BCKDHB: variants seen among roughly 807,000 people sequenced by gnomAD.
BCKDHB encodes 2-oxoisovalerate dehydrogenase subunit beta, mitochondrial.
A neutral mutation model predicts 48.5 loss-of-function variants in BCKDHB; 41 were observed. The ratio of observed to expected loss-of-function variants is 0.85; its 90% CI spans 0.66 to 1.10. BCKDHB has a LOEUF of 1.10. Ranked by LOEUF, BCKDHB falls within the 50% of genes least tolerant of loss-of-function variation. BCKDHB has a pLI of 0.00. For missense variants in BCKDHB, 496 were observed against 494.2 expected, an observed-to-expected ratio of 1.00 and a Z score of -0.03; for synonymous variants, 201 against 174.8, an observed-to-expected ratio of 1.15 and a Z score of -1.18.
At chr6:80,374,755 T>A in the BCKDHB span, among the ~76,000 whole-genome samples, 1 of 152,220 alleles carries the variant, frequency 6.6e-6, no homozygotes, top group Non-Finnish European at 1.5e-5. Flanking sequence ...CTGTGAGATG[T>A]ACGCTTTAAG....
the BCKDHB span, among the ~76,000 whole-genome samples, chr6:80,365,511 A>G: frequency 7.2e-5 from 11 of 152,276 alleles, no homozygotes; most frequent in African/African-American, 2.6e-4. Flanking sequence ...GTGTCCGTTT[A>G]TAGGCTCTCT....
chr6:80,111,191 A>G (rs1181078364), intron 1 of BCKDHB, among the ~76,000 whole-genome samples: 1 of 152,172 alleles, frequency 6.6e-6, no homozygotes, highest in Non-Finnish European at 1.5e-5. Flanking sequence ...AAGTTTTCCT[A>G]CATAAGTAGT....
chr6:80,162,987 A>C (rs1191242010), intron 3 of BCKDHB, among the ~76,000 whole-genome samples: 9 of 151,246 alleles, frequency 6.0e-5, no homozygotes, highest in Non-Finnish European at 1.3e-4. Context: ...CAGTGGTGCC[A>C]TCTCAGCTCA....
chr6:80,386,449 A>C, the BCKDHB span, among the ~76,000 whole-genome samples: 1 of 151,252 alleles, frequency 6.6e-6, no homozygotes, highest in Non-Finnish European at 1.5e-5. Flanking sequence ...TCCTTAGCCA[A>C]CCGATGCCTT....
At chr6:80,463,716 T>C in the BCKDHB span, among the ~76,000 whole-genome samples, 5,303 of 152,296 alleles carry the variant, frequency 0.035, 323 homozygotes, top group African/African-American at 0.12. Flanking sequence ...GAAAAACAGC[T>C]ACCACCCATA....
intron 2 of BCKDHB, 96 bp downstream of exon 2, chr6:80,127,720 G>T: frequency 1.8e-6 from 2 of 1,099,094 alleles, no homozygotes; most frequent in East Asian, 4.7e-5. Context: ...GGTTAACATT[G>T]TATCTACCTG....
intron 8 of BCKDHB, among the ~76,000 whole-genome samples, chr6:80,220,280 A>G (rs564846743): frequency 2.2e-5 from 2 of 88,920 alleles, no homozygotes; most frequent in East Asian, 9.0e-4. Flanking sequence ...CCTTGTACTC[A>G]GTTATTTTTG....
rs562396551 is a variant in BCKDHB at position 80,263,645 on chromosome 6, A to G, written c.952-9490A>G. 2.0e-5 allele frequency among the ~76,000 whole-genome samples: 3 copies of G among 152,290 alleles called. No homozygotes were observed. The East Asian group carries it at 5.8e-4, about 29-fold the overall frequency. On this transcript the variant is annotated intron_variant, in intron 8 of 9. Transcript: ENST00000320393. ...CAAGTTTTAGAAAATAGGACCATTT[A>G]TCCATGGTGATACAGAAGTGTAGCA... is the stretch of plus-strand genomic sequence containing the variant.
intron 8 of BCKDHB, among the ~76,000 whole-genome samples, chr6:80,235,104 G>C (rs1776094393): frequency 6.6e-6 from 1 of 152,018 alleles, no homozygotes; most frequent in South Asian, 2.1e-4. Flanking sequence ...AACACAGTAG[G>C]GTGACTCTAG....
At chr6:80,425,477 A>G in the BCKDHB span, among the ~76,000 whole-genome samples, 1 of 152,304 alleles carries the variant, frequency 6.6e-6, no homozygotes, top group African/African-American at 2.4e-5. Flanking sequence ...TTCAGAGTAA[A>G]CTATGTGTGG....
At chr6:80,293,978 A>T (rs536743285) in intron 9 of BCKDHB, among the ~76,000 whole-genome samples, 1 of 152,282 alleles carries the variant, frequency 6.6e-6, no homozygotes, top group East Asian at 1.9e-4. Flanking sequence ...CACTATCCGC[A>T]TTTTGGTCAA....
chr6:80,347,913 A>G (rs1332503858), downstream of BCKDHB, among the ~76,000 whole-genome samples: 1 of 152,208 alleles, frequency 6.6e-6, no homozygotes, highest in Admixed American at 6.5e-5. Context: ...CACTTGAGAG[A>G]TTTTAAATGA....
At chr6:80,301,402 C>T (rs1767572498) in intron 9 of BCKDHB, among the ~76,000 whole-genome samples, 2 of 152,096 alleles carry the variant, frequency 1.3e-5, no homozygotes, top group Admixed American at 6.5e-5. Context: ...GTGGACAATT[C>T]TGTGCACACA....
chr6:80,429,572 T>G, the BCKDHB span, among the ~76,000 whole-genome samples: 1 of 152,232 alleles, frequency 6.6e-6, no homozygotes, highest in East Asian at 1.9e-4. Context: ...GTAGTTCTCC[T>G]TGAAGAGGTC....
At chr6:80,426,417 A>G in the BCKDHB span, among the ~76,000 whole-genome samples, 3 of 152,140 alleles carry the variant, frequency 2.0e-5, no homozygotes, top group South Asian at 2.1e-4. Context: ...ATGGAAGCTT[A>G]GATCATTGAT....
intron 3 of BCKDHB, among the ~76,000 whole-genome samples, chr6:80,151,671 T>C (rs1481499108): frequency 6.6e-6 from 1 of 152,202 alleles, no homozygotes; most frequent in Non-Finnish European, 1.5e-5. Flanking sequence ...ATTCATTTAA[T>C]GTCAACCTTC....
chr6:80,122,617 A>C (rs1770090968), intron 1 of BCKDHB, among the ~76,000 whole-genome samples: 1 of 152,188 alleles, frequency 6.6e-6, no homozygotes, highest in African/African-American at 2.4e-5. Context: ...TAAGGGTTTC[A>C]AAATTGGAGG....
In BCKDHB at chr6:80,200,917, T is replaced by C. The variant is rs991982755; in HGVS notation, c.743-17T>C. On this transcript the variant is annotated splice_polypyrimidine_tract_variant and intron_variant, in intron 6 of 9. Coordinates refer to ENST00000320393, the MANE Select transcript of BCKDHB (RefSeq NM_183050.4). ...CAGAAAAAATGTCCTTTTTTTTTTT[T>C]CCTGTTCTGTATTTAGCGGAAGAAG... The C allele has an allele frequency of 1.9e-6, 3 of 1,567,378 alleles. No individual in the cohort carries two copies. The highest frequency in any genetic ancestry group is 1.8e-6 in the Non-Finnish European group (2 of 1,139,702).
the BCKDHB span, among the ~76,000 whole-genome samples, chr6:80,415,864 A>T: frequency 6.6e-6 from 1 of 151,484 alleles, no homozygotes; most frequent in Admixed American, 6.6e-5. Context: ...TCTTCTTTGT[A>T]AATGTTGTAG....
Sources: gnomAD v4.1 joint callset for allele counts (sites outside exome capture counted in the v4.1 genomes callset) on GRCh38, gnomAD v4.1.1 for gene constraint, MANE v1.5 for transcripts, NCBI Gene and HGNC (gene_info 2026-07-23, HGNC 2026-07-21) for gene names.